The following RAPGEF1 variants were observed in gnomAD, a reference collection of about 807,000 sequenced individuals.
RAPGEF1 encodes the protein Rap guanine nucleotide exchange factor 1.
RAPGEF1 carries 33 observed loss-of-function variants against 143.3 expected under a neutral mutation model. The observed-to-expected ratio is 0.23, with a 90% confidence interval of 0.17 to 0.31. RAPGEF1 has a LOEUF of 0.31. Among genes scored for constraint, RAPGEF1 ranks in the 10% least tolerant of loss-of-function variants. The pLI, the probability that RAPGEF1 is intolerant of heterozygous loss-of-function variation, is 1.00. For synonymous variants in RAPGEF1, 629 were observed against 676.5 expected, an observed-to-expected ratio of 0.93 and a Z score of 1.09; for missense variants, 1,199 against 1,645.4, an observed-to-expected ratio of 0.73 and a Z score of 4.69.
Position 131,621,798 on chromosome 9 carries a change from G to A in RAPGEF1, c.1903C>T (p.Leu635=). Reference sequence around the variant, plus strand: ...TCACAAGGGAAGGTGTCACTCACCAGCTGCCGCTGCTTGGGGGGTAGGGCG... The same window carrying A: ...TCACAAGGGAAGGTGTCACTCACCAACTGCCGCTGCTTGGGGGGTAGGGCG... The part of the protein sequence containing the change: ...PPALPPKQRQ[L]ASCAASSFSS... The change falls in exon 11 of 27, where the codon CTG becomes TTG. Residue 635 remains leucine, a splice_region_variant and synonymous_variant. Transcript: ENST00000683357. The surrounding 1 kb of genome is among the most constrained non-coding windows in gnomAD (Gnocchi z 4.5). The A allele has an allele frequency of 6.2e-7, 1 of 1,602,268 alleles. No homozygotes were observed. Among genetic ancestry groups the A allele is most frequent in the Non-Finnish European group, 8.5e-7 (1 of 1,174,966 alleles).
chr9:131,663,987 A>G (rs1439369159), intron 1 of RAPGEF1, among the ~76,000 whole-genome samples: 1 of 152,142 alleles, frequency 6.6e-6, no homozygotes, highest in Non-Finnish European at 1.5e-5. Flanking sequence ...GCATTCCTTT[A>G]TAAGTAATAG....
chr9:131,609,757 C>CA (rs1341456881), intron 12 of RAPGEF1, among the ~76,000 whole-genome samples: 1 of 152,166 alleles, frequency 6.6e-6, no homozygotes, highest in African/African-American at 2.4e-5. Flanking sequence ...GGCCAGGCAC[C>CA]AGTTTTTTTT....
At position 131,650,699 on chromosome 9, in the gene RAPGEF1, G is replaced by A; in HGVS notation, c.201+111C>T. 7.0e-7 allele frequency: 1 copy of A among 1,435,796 alleles called. No individual in the cohort carries two copies. 88.9% of individuals were successfully genotyped at this position (1,435,796 alleles called of 1,614,324 possible). On this transcript the variant is annotated intron_variant, in intron 2 of 26. Coordinates refer to ENST00000683357, the MANE Select transcript of RAPGEF1 (RefSeq NM_001377935.1). The surrounding 1 kb of genome is among the most constrained non-coding windows in gnomAD (Gnocchi z 4.7). ...GGTCCCGCCCATGGAATGCTACGAA[G>A]TAGGTATGATGCACTGAAAGCTCAA... is the stretch of plus-strand genomic sequence containing the variant.
At chr9:131,709,305 C>A (rs1835336249) in intron 1 of RAPGEF1, among the ~76,000 whole-genome samples, 1 of 152,146 alleles carries the variant, frequency 6.6e-6, no homozygotes, top group Admixed American at 6.5e-5. Flanking sequence ...GAGATCATGC[C>A]ACTGCATTCC....
At position 131,655,629 on chromosome 9, in the gene RAPGEF1, G is replaced by A. The variant is rs2133536419; in HGVS notation, c.62-4680C>T. Among the ~76,000 whole-genome samples, 1 of 152,238 alleles carries A rather than the reference G, an allele frequency of 6.6e-6. No individual in the cohort carries two copies. The highest frequency in any genetic ancestry group is 2.1e-4 in the South Asian group (1 of 4,824). On this transcript the variant is annotated intron_variant, in intron 1 of 26. Transcript: ENST00000683357. The surrounding 1 kb of genome is among the most constrained non-coding windows in gnomAD (Gnocchi z 4.1). Reference sequence around the variant, plus strand: ...CTGTTAGCCAGGCCTGGTGGTACATGCCTATAGTCCCAGCTACTCGGGAGG... The same window carrying A: ...CTGTTAGCCAGGCCTGGTGGTACATACCTATAGTCCCAGCTACTCGGGAGG...
At chr9:131,662,054 G>T (rs1037256766) in intron 1 of RAPGEF1, among the ~76,000 whole-genome samples, 1 of 152,034 alleles carries the variant, frequency 6.6e-6, no homozygotes, top group Non-Finnish European at 1.5e-5. Flanking sequence ...CATGAGGCTC[G>T]CCTAAGAATT....
chr9:131,737,586 C>G, intron 1 of RAPGEF1: 1 of 1,518,442 alleles, frequency 6.6e-7, no homozygotes. Context: ...GTCTTTCTCC[C>G]AAATAGCAGA....
intron 17 of RAPGEF1, among the ~76,000 whole-genome samples, chr9:131,595,489 G>T (rs1337723391): frequency 6.6e-6 from 1 of 152,222 alleles, no homozygotes; most frequent in African/African-American, 2.4e-5. Flanking sequence ...CAAGGTGGGG[G>T]TGTTTTCATT....
At chr9:131,702,490 T>C (rs1373703689) in intron 1 of RAPGEF1, among the ~76,000 whole-genome samples, 1 of 152,240 alleles carries the variant, frequency 6.6e-6, no homozygotes, top group Non-Finnish European at 1.5e-5. Flanking sequence ...CTGAGTCCCG[T>C]GCCATCAGAT....
chr9:131,652,459 A>G (rs1971310099), intron 1 of RAPGEF1, among the ~76,000 whole-genome samples: 1 of 152,158 alleles, frequency 6.6e-6, no homozygotes, highest in Non-Finnish European at 1.5e-5. Flanking sequence ...TATGTTGCCC[A>G]GGTGGGCAAA....
intron 3 of RAPGEF1, among the ~76,000 whole-genome samples, chr9:131,647,859 G>A (rs1241139803): frequency 6.6e-6 from 1 of 152,100 alleles, no homozygotes; most frequent in Non-Finnish European, 1.5e-5. Flanking sequence ...CTGACATTTT[G>A]GGGCAGAGAA....
intron 12 of RAPGEF1, among the ~76,000 whole-genome samples, chr9:131,608,099 G>A (rs1957399747): frequency 6.6e-6 from 1 of 152,218 alleles, no homozygotes; most frequent in African/African-American, 2.4e-5. Flanking sequence ...TGAAGTTCTT[G>A]AGCCTCAGCT....
At chr9:131,701,161 T>C (rs1834613841) in intron 1 of RAPGEF1, among the ~76,000 whole-genome samples, 1 of 152,306 alleles carries the variant, frequency 6.6e-6, no homozygotes, top group South Asian at 2.1e-4. Context: ...TCTAAAATAA[T>C]GGTGACACCC....
chr9:131,727,823 A>C (rs1302025834), intron 1 of RAPGEF1, among the ~76,000 whole-genome samples: 1 of 152,076 alleles, frequency 6.6e-6, no homozygotes, highest in Non-Finnish European at 1.5e-5. Flanking sequence ...AAAAAAAACA[A>C]GGACAGATCA....
Position 131,583,695 on chromosome 9 carries a change from C to T in RAPGEF1, c.3414+616G>A, listed in dbSNP as rs1952241042. ...AACTCCTCACCAGGCTCCTGAGGCT[C>T]TCATGACCTAGAACTGGTCCCCTTC... is the stretch of plus-strand genomic sequence containing the variant. On this transcript the variant is annotated intron_variant, in intron 24 of 26. Transcript: ENST00000683357. This position sits in a 1 kb window ranked among gnomAD's most constrained non-coding sequence, Gnocchi z 4.7. Among the ~76,000 whole-genome samples, 5 of 152,244 alleles carry T rather than the reference C, an allele frequency of 3.3e-5. No homozygotes were observed. The highest frequency in any genetic ancestry group is 2.6e-4 in the Admixed American group (4 of 15,290).
chr9:131,690,521 G>A (rs1833710691), intron 1 of RAPGEF1, among the ~76,000 whole-genome samples: 1 of 152,076 alleles, frequency 6.6e-6, no homozygotes, highest in Admixed American at 6.5e-5. Context: ...TGATGGGTCA[G>A]GCATGGTGGC....
intron 12 of RAPGEF1, among the ~76,000 whole-genome samples, chr9:131,617,701 C>T (rs1959211057): frequency 6.6e-6 from 1 of 152,192 alleles, no homozygotes; most frequent in South Asian, 2.1e-4. Context: ...CATACCTAGA[C>T]ATTTCATATA....
intron 1 of RAPGEF1, among the ~76,000 whole-genome samples, chr9:131,721,464 C>T (rs1323123160): frequency 6.6e-6 from 1 of 152,140 alleles, no homozygotes; most frequent in Non-Finnish European, 1.5e-5. Context: ...CAGTCTAAGG[C>T]GAAGTCTCGT....
intron 1 of RAPGEF1, among the ~76,000 whole-genome samples, chr9:131,697,334 C>T (rs116788951): frequency 0.013 from 1,929 of 152,348 alleles, 24 homozygotes; most frequent in African/African-American, 0.033. Context: ...CACTGCTCTG[C>T]TCCCTCTATC....
Sources: gnomAD v4.1 joint callset for allele counts (sites outside exome capture counted in the v4.1 genomes callset) on GRCh38, gnomAD v4.1.1 for gene constraint, Gnocchi (gnomAD v3.1) non-coding constraint, MANE v1.5 for transcripts, NCBI Gene and HGNC (gene_info 2026-07-23, HGNC 2026-07-21) for gene names.